TPM2: variants seen among roughly 807,000 people sequenced by gnomAD.
TPM2 encodes the protein tropomyosin beta chain.
Under a neutral mutation model 41.0 loss-of-function variants are expected in TPM2, and 26 were observed. That is an observed-to-expected ratio of 0.63 (90% CI 0.46 to 0.88). TPM2 has a LOEUF of 0.88. Ranked by LOEUF, TPM2 falls within the 40% of genes least tolerant of loss-of-function variation. The probability of loss-of-function intolerance (pLI) is 0.00; values close to 1 mark genes in which losing one functional copy is unlikely to be tolerated. For missense variants in TPM2, 187 were observed against 355.2 expected, an observed-to-expected ratio of 0.53 and a Z score of 3.81; for synonymous variants, 143 against 139.3, an observed-to-expected ratio of 1.03 and a Z score of -0.19.
Position 35,685,419 on chromosome 9 carries a change from G to A in TPM2, c.492+15C>T. 7.4e-6 allele frequency: 12 copies of A among 1,614,224 alleles called. No homozygotes were observed. Among genetic ancestry groups the A allele is most frequent in the African/African-American group, 4.0e-5 (3 of 75,056 alleles). On this transcript the variant is annotated intron_variant, in intron 4 of 8. Transcript: ENST00000645482. The surrounding 1 kb of genome is among the most constrained non-coding windows in gnomAD (Gnocchi z 5.0). ...CAGGCTGGGCAGCGAGCAGGCAGAG[G>A]GGCAAGGCTGTCACCTCTTCATATT...
downstream of TPM2, chr9:35,682,758 G>A (rs1233066143): frequency 1.5e-6 from 2 of 1,318,758 alleles, no homozygotes; most frequent in Admixed American, 2.3e-5. Flanking sequence ...GAATCAGAGA[G>A]CGACAGCCAG....
At chr9:35,689,950 C>T (rs964050376), upstream of TPM2, 2 of 1,569,580 alleles carry the variant, frequency 1.3e-6, no homozygotes, top group African/African-American at 1.4e-5. Flanking sequence ...ACGCGGGCGC[C>T]TAAAAGGCGG....
In TPM2 at chr9:35,685,377, A is replaced by T. The variant is rs1213044663; in HGVS notation, c.493-38T>A. ...AGAAAGAGAGGGTAGATCAGTGGAG[A>T]AGGACTGGGCATGTTGCAGGCTGGG... is the stretch of plus-strand genomic sequence containing the variant. On this transcript the variant is annotated intron_variant, in intron 4 of 8. Transcript: ENST00000645482. The surrounding 1 kb of genome is among the most constrained non-coding windows in gnomAD (Gnocchi z 5.0). 1 of 1,613,978 alleles carries T rather than the reference A, an allele frequency of 6.2e-7. No individual in the cohort carries two copies. Among genetic ancestry groups the T allele is most frequent in the Non-Finnish European group, 8.5e-7 (1 of 1,179,956 alleles).
rs1824801441 is a variant in TPM2, at chr9:35,684,970, G to A, written c.564-163C>T. 1.9e-6 allele frequency: 3 copies of A among 1,612,772 alleles called. No homozygotes were observed. The African/African-American group carries it at 4.0e-5, about 22-fold the overall frequency. ...AGCCCCAGGCCCTTCCTGATCCCCA[G>A]CAGCTGAGAAAGAGCAGCCTGCGGT... On this transcript the variant is annotated intron_variant, in intron 5 of 8. Transcript: ENST00000645482.
chr9:35,682,810 T>G, downstream of TPM2: 3 of 1,364,940 alleles, frequency 2.2e-6, no homozygotes, highest in Non-Finnish European at 2.9e-6. Flanking sequence ...GCCATGGTGT[T>G]TTGTGGGTGG....
At position 35,684,511 on chromosome 9, in the gene TPM2, G is replaced by C. The variant is rs779397499; in HGVS notation, c.679C>G (p.Leu227Val). The change falls in exon 7 of 9, where the codon CTG becomes GTG. Residue 227 changes from leucine to valine, a missense_variant. Transcript: ENST00000645482. The part of the protein sequence containing the change: ...KEDKYEEEIK[L>V]LEEKLKEAET... ...ACCTCCTTCAGCTTCTCCTCCAACAGTTTGATCTCCTCTTCATATTTATCT... is the reference window on the plus strand; with the variant it reads ...ACCTCCTTCAGCTTCTCCTCCAACACTTTGATCTCCTCTTCATATTTATCT... 6.2e-7 allele frequency: 1 copy of C among 1,614,014 alleles called. No individual in the cohort carries two copies. Among genetic ancestry groups the C allele is most frequent in the African/African-American group, 1.3e-5 (1 of 74,900 alleles).
chr9:35,684,976 G>A (rs1464656655), intron 5 of TPM2, 169 bp from the exon 6 acceptor site: 7 of 1,613,094 alleles, frequency 4.3e-6, no homozygotes, highest in African/African-American at 2.7e-5. Flanking sequence ...CCCAGCAGCT[G>A]AGAAAGAGCA....
At chr9:35,683,919 A>G (rs1386078449) in intron 8 of TPM2, 2 of 390,428 alleles carry the variant, frequency 5.1e-6, no homozygotes, top group Non-Finnish European at 9.8e-6. Context: ...GAGGACCAGC[A>G]GCATTGGCAG....
chr9:35,690,045 G>A, upstream of TPM2: 1 of 1,358,634 alleles, frequency 7.4e-7, no homozygotes, highest in East Asian at 3.1e-5. Context: ...CCCGGCCGGG[G>A]GGTGCGGCCG....
intron 2 of TPM2, among the ~76,000 whole-genome samples, chr9:35,687,460 A>T (rs1054519690): frequency 3.9e-5 from 6 of 151,900 alleles, no homozygotes; most frequent in African/African-American, 1.4e-4. Context: ...GTGTAGGGAA[A>T]GGAGGTGGGG....
rs1825160689 is a variant in TPM2, at chr9:35,689,897, G to A, written c.-80C>T. 3 of 1,607,098 alleles carry A rather than the reference G, an allele frequency of 1.9e-6. No individual in the cohort carries two copies. The highest frequency in any genetic ancestry group is 1.3e-5 in the African/African-American group (1 of 74,814). On this transcript the variant is annotated 5_prime_UTR_variant, in exon 1 of 9. Transcript: ENST00000645482. The stretch of plus-strand genomic sequence containing the variant: ...CTGGGTGAGCGGACTGGGTGCACCG[G>A]TGGCAGGCGAGGAGGACGGAGCGGG...
chr9:35,684,420 C>T, intron 7 of TPM2, 68 bp downstream of exon 7: 1 of 1,612,570 alleles, frequency 6.2e-7, no homozygotes, highest in Non-Finnish European at 8.5e-7. Flanking sequence ...AGTGTCCTGC[C>T]ACAGGCCGTC....
At chr9:35,686,270 T>C (rs780152241) in intron 2 of TPM2, 4 of 245,720 alleles carry the variant, frequency 1.6e-5, no homozygotes, top group South Asian at 1.5e-4. Context: ...AAAAAATACA[T>C]GCATTCCTTG....
chr9:35,683,857 G>A (rs1451801816), intron 8 of TPM2, among the ~76,000 whole-genome samples: 1 of 152,188 alleles, frequency 6.6e-6, no homozygotes, highest in African/African-American at 2.4e-5. Context: ...ACTCTACTGC[G>A]TTACACTCGG....
At chr9:35,686,791 G>A (rs1484324679) in intron 2 of TPM2, among the ~76,000 whole-genome samples, 1 of 152,206 alleles carries the variant, frequency 6.6e-6, no homozygotes, top group African/African-American at 2.4e-5. Flanking sequence ...AGAGCTGGGG[G>A]CAATGCAGGG....
Position 35,684,125 on chromosome 9 carries a change from T to C in TPM2, c.772+121A>G, listed in dbSNP as rs751857198. 2.4e-4 allele frequency: 223 copies of C among 945,218 alleles called. 1 individual carries two copies. Among genetic ancestry groups the C allele is most frequent in the Admixed American group, 1.2e-3 (62 of 53,166 alleles). 58.6% of individuals were successfully genotyped at this position (945,218 alleles called of 1,614,324 possible). A position where few individuals can be genotyped will look rare whatever the true frequency, so the allele number is the denominator to read the frequency against. Reference sequence around the variant, plus strand: ...AGACATGGCCCACAGAGTTGGGGAGTTGGTAGGGTCCTAGGTGGCCCAACC... The same window carrying C: ...AGACATGGCCCACAGAGTTGGGGAGCTGGTAGGGTCCTAGGTGGCCCAACC... On this transcript the variant is annotated intron_variant, in intron 8 of 8. Coordinates refer to ENST00000645482, the MANE Select transcript of TPM2 (RefSeq NM_003289.4).
intron 1 of TPM2, 143 bp from the exon 2 acceptor site, chr9:35,689,414 G>A: frequency 6.9e-7 from 1 of 1,459,450 alleles, no homozygotes; most frequent in Non-Finnish European, 9.0e-7. Context: ...TACAGTCAAG[G>A]GTACTGGTGG....
At chr9:35,682,107 T>C (rs568393322), downstream of TPM2, 24 of 1,613,996 alleles carry the variant, frequency 1.5e-5, no homozygotes, top group Admixed American at 6.7e-5. Flanking sequence ...TCCAGCAGGG[T>C]CTGGTCCAAG....
intron 2 of TPM2, among the ~76,000 whole-genome samples, chr9:35,687,693 A>G (rs1180944353): frequency 2.0e-5 from 3 of 152,148 alleles, no homozygotes; most frequent in Admixed American, 2.0e-4. Context: ...GGGGTTGGGA[A>G]GAATCACTGT....
Sources: allele counts gnomAD v4.1 joint callset (sites outside exome capture counted in the v4.1 genomes callset), GRCh38; gene constraint gnomAD v4.1.1; non-coding constraint Gnocchi (gnomAD v3.1); transcripts MANE v1.5; gene names NCBI Gene and HGNC (gene_info 2026-07-23, HGNC 2026-07-21).